TRAPPC9: variants seen among roughly 807,000 people sequenced by gnomAD.
The protein encoded by TRAPPC9 is IKK2 binding protein.
In TRAPPC9, 83 loss-of-function variants were observed where a neutral mutation model predicts 124.0. The ratio of observed to expected loss-of-function variants is 0.67; its 90% confidence interval spans 0.56 to 0.80. The LOEUF (loss-of-function observed/expected upper bound fraction) is 0.80. TRAPPC9 is among the 30% of genes least tolerant of loss of function. The probability of loss-of-function intolerance (pLI) is 0.00; values close to 1 mark genes in which losing one functional copy is unlikely to be tolerated. For missense variants in TRAPPC9, 1,302 were observed against 1,508.3 expected (o/e 0.86, Z 2.27); for synonymous variants, 638 against 617.5 (o/e 1.03, Z -0.49).
At chr8:140,231,860 T>C (rs2131376853) in intron 16 of TRAPPC9, among the ~76,000 whole-genome samples, 1 of 152,190 alleles carries the variant, frequency 6.6e-6, no homozygotes, top group African/African-American at 2.4e-5. Flanking sequence ...CAGTAATTAT[T>C]CCCACAGAAA....
chr8:140,185,733 G>A (rs1337222480), intron 17 of TRAPPC9, among the ~76,000 whole-genome samples: 1 of 152,254 alleles, frequency 6.6e-6, no homozygotes, highest in East Asian at 1.9e-4. Flanking sequence ...GTGCAGTGTC[G>A]CGGGCGCCAT....
At chr8:140,359,370 C>T (rs1027647535) in intron 9 of TRAPPC9, among the ~76,000 whole-genome samples, 7 of 152,026 alleles carry the variant, frequency 4.6e-5, no homozygotes, top group Admixed American at 1.3e-4. Context: ...GCCCCAAGCG[C>T]GTAGGGAAAC....
At chr8:139,749,625 G>GCC (rs1819182048) in intron 21 of TRAPPC9, among the ~76,000 whole-genome samples, 1 of 152,208 alleles carries the variant, frequency 6.6e-6, no homozygotes, top group African/African-American at 2.4e-5. Context: ...TGCTGGGTCA[G>GCC]TGCTTACGAG....
chr8:140,237,203 A>C (rs1038098208), intron 16 of TRAPPC9, among the ~76,000 whole-genome samples: 2 of 151,554 alleles, frequency 1.3e-5, no homozygotes, highest in Non-Finnish European at 2.9e-5. Context: ...AAAATAAATA[A>C]AATAAAATTG....
intron 21 of TRAPPC9, among the ~76,000 whole-genome samples, chr8:139,875,512 T>C (rs1158324108): frequency 6.6e-6 from 1 of 152,192 alleles, no homozygotes; most frequent in East Asian, 1.9e-4. Flanking sequence ...ACTACTTTTG[T>C]AAAGAAAAAC....
chr8:139,767,900 G>T (rs1342156968), intron 21 of TRAPPC9, among the ~76,000 whole-genome samples: 1 of 152,218 alleles, frequency 6.6e-6, no homozygotes, highest in African/African-American at 2.4e-5. Context: ...GCTGATTAGA[G>T]TCTAAAAGCT....
chr8:140,425,266 T>C (rs1194765664), intron 5 of TRAPPC9, among the ~76,000 whole-genome samples: 1 of 152,206 alleles, frequency 6.6e-6, no homozygotes, highest in Non-Finnish European at 1.5e-5. Context: ...TCTCATTCTC[T>C]TTACTCGCTC....
intron 17 of TRAPPC9, among the ~76,000 whole-genome samples, chr8:140,086,754 A>AC (rs1287743145): frequency 6.6e-6 from 1 of 151,964 alleles, no homozygotes; most frequent in African/African-American, 2.4e-5. Flanking sequence ...AGATGGAGAA[A>AC]CCCCATCTCT....
Position 140,121,540 on chromosome 8 carries a change from G to C in TRAPPC9, c.2557-97461C>G, listed in dbSNP as rs529256750. Among the ~76,000 whole-genome samples the C allele has an allele frequency of 1.7e-4, 26 of 152,318 alleles. No homozygotes were observed. The South Asian group carries it at 5.2e-3, about 30-fold the overall frequency. On this transcript the variant is annotated intron_variant, in intron 17 of 22. Coordinates refer to ENST00000438773, the MANE Select transcript of TRAPPC9 (RefSeq NM_001160372.4). ...GGAGAAGTGGTGCAGGCCTGTGGCA[G>C]GGCCCAGGCAGCAGCAGCAACAGAA...
At chr8:140,245,016 G>T (rs902654340) in intron 16 of TRAPPC9, among the ~76,000 whole-genome samples, 2 of 151,836 alleles carry the variant, frequency 1.3e-5, no homozygotes, top group Admixed American at 6.6e-5. Context: ...ATGTTGGCCA[G>T]GATGGTCTCG....
At chr8:140,291,383 C>A in intron 11 of TRAPPC9, 1 of 442,334 alleles carries the variant, frequency 2.3e-6, no homozygotes, top group South Asian at 2.2e-5. Context: ...AGGCACACTG[C>A]GCTTCACGGG....
In TRAPPC9 at chr8:139,836,577, G is replaced by A. The variant is rs539847126; in HGVS notation, c.3055+49302C>T. Among the ~76,000 whole-genome samples, 14 of 152,316 alleles carry A rather than the reference G, an allele frequency of 9.2e-5. No individual in the cohort carries two copies. In the South Asian group the frequency reaches 2.1e-3, roughly 23 times the overall value. On this transcript the variant is annotated intron_variant, in intron 21 of 22. Coordinates refer to ENST00000438773, the MANE Select transcript of TRAPPC9 (RefSeq NM_001160372.4). Reference sequence around the variant, plus strand: ...AGCAATGCAGATGCTGCCGCCACACGGGGCAACTGAGGGAGACTGAAAACT... The same window carrying A: ...AGCAATGCAGATGCTGCCGCCACACAGGGCAACTGAGGGAGACTGAAAACT...
chr8:139,898,638 C>T (rs1830816774), intron 20 of TRAPPC9, among the ~76,000 whole-genome samples: 4 of 152,172 alleles, frequency 2.6e-5, no homozygotes, highest in Admixed American at 2.6e-4. Context: ...GCACACTCAA[C>T]TCAGAGCCAC....
chr8:139,953,353 C>T (rs78567105), intron 19 of TRAPPC9, among the ~76,000 whole-genome samples: 318 of 152,262 alleles, frequency 2.1e-3, no homozygotes, highest in African/African-American at 7.1e-3. Context: ...ATCAGCCAGG[C>T]ATGGGGGCGC....
In TRAPPC9 at chr8:139,894,240, C is replaced by G. The variant is rs1489442277; in HGVS notation, c.2965-8271G>C. Reference sequence around the variant, plus strand: ...CCCCTGCACTTTCTACCTGTCGAGTCCCGGCACCAACAAGACCCTCACCGA... The same window carrying G: ...CCCCTGCACTTTCTACCTGTCGAGTGCCGGCACCAACAAGACCCTCACCGA... On this transcript the variant is annotated intron_variant, in intron 20 of 22. Transcript: ENST00000438773. Among the ~76,000 whole-genome samples, 3 of 152,246 alleles carry G rather than the reference C, an allele frequency of 2.0e-5. No homozygotes were observed. In the East Asian group the frequency reaches 5.8e-4, roughly 29 times the overall value.
chr8:139,730,776 T>G lies in TRAPPC9; in HGVS notation c.*285A>C, dbSNP rs190303349. On this transcript the variant is annotated 3_prime_UTR_variant, in exon 23 of 23. Coordinates refer to ENST00000438773, the MANE Select transcript of TRAPPC9 (RefSeq NM_001160372.4). ...AAATGGGTGCAGGGATCCTGGGACC[T>G]GGGCTGGATGGGCACCCGCTTTGGG... 198 of 475,316 alleles carry G rather than the reference T, an allele frequency of 4.2e-4. 3 individuals are homozygous for G. In the East Asian group the frequency reaches 7.3e-3, roughly 17 times the overall value. 29.4% of individuals were successfully genotyped at this position (475,316 alleles called of 1,614,324 possible). A position where few individuals can be genotyped will look rare whatever the true frequency, so the allele number is the denominator to read the frequency against.
In TRAPPC9 at chr8:140,097,622, C is replaced by T. The variant is rs913802442; in HGVS notation, c.2557-73543G>A. 6.6e-6 allele frequency: 1 copy of T among 152,290 alleles called. No homozygotes were observed. The allele number at this position is 152,290 out of a possible 1,614,324, so 9.4% of individuals were successfully genotyped here. A position where few individuals can be genotyped will look rare whatever the true frequency, so the allele number is the denominator to read the frequency against. On this transcript the variant is annotated intron_variant, in intron 17 of 22. Coordinates refer to ENST00000438773, the MANE Select transcript of TRAPPC9 (RefSeq NM_001160372.4). The surrounding 1 kb of genome is among the most constrained non-coding windows in gnomAD (Gnocchi z 4.2). ...ATAAAAACTCCTGGCCACAGACGTGCCACAGTCGGCAGGATAAGAATGCCC... is the reference window on the plus strand; with the variant it reads ...ATAAAAACTCCTGGCCACAGACGTGTCACAGTCGGCAGGATAAGAATGCCC...
At chr8:140,019,187 A>G (rs1839667318) in intron 18 of TRAPPC9, among the ~76,000 whole-genome samples, 2 of 152,164 alleles carry the variant, frequency 1.3e-5, no homozygotes, top group African/African-American at 2.4e-5. Flanking sequence ...TCCCTTTCAT[A>G]TATCACTGAA....
chr8:139,829,171 G>T (rs577471545), intron 21 of TRAPPC9, among the ~76,000 whole-genome samples: 1 of 152,208 alleles, frequency 6.6e-6, no homozygotes, highest in Non-Finnish European at 1.5e-5. Flanking sequence ...ACTAATGTGT[G>T]AGAATGTGTA....
Sources: gnomAD v4.1 joint callset for allele counts (sites outside exome capture counted in the v4.1 genomes callset) on GRCh38, gnomAD v4.1.1 for gene constraint, Gnocchi (gnomAD v3.1) non-coding constraint, MANE v1.5 for transcripts, NCBI Gene and HGNC (gene_info 2026-07-23, HGNC 2026-07-21) for gene names.